The following FRMD5 variants were observed in gnomAD, a reference collection of about 807,000 sequenced individuals.
FRMD5 encodes the protein FERM domain containing 5, also known as FERM domain-containing protein 5.
A neutral mutation model predicts 69.0 loss-of-function variants in FRMD5; 20 were observed. The observed-to-expected ratio is 0.29, with a 90% CI of 0.20 to 0.42. The LOEUF (loss-of-function observed/expected upper bound fraction) is 0.42, where lower values mean the gene tolerates loss of function less well. FRMD5 is among the 10% of genes least tolerant of loss of function. The pLI is 1.00. For synonymous variants in FRMD5, 271 were observed against 260.1 expected (o/e 1.04, Z -0.40); for missense variants, 595 against 708.6 (o/e 0.84, Z 1.82).
chr15:43,894,972 C>T (rs1238283560), intron 7 of FRMD5, among the ~76,000 whole-genome samples: 1 of 152,138 alleles, frequency 6.6e-6, no homozygotes, highest in Non-Finnish European at 1.5e-5. Flanking sequence ...GTTTTAGAGA[C>T]AAGGTCTCAC....
At chr15:43,958,407 T>C (rs1293139301) in intron 1 of FRMD5, among the ~76,000 whole-genome samples, 2 of 152,176 alleles carry the variant, frequency 1.3e-5, no homozygotes, top group African/African-American at 4.8e-5. Context: ...CTGTAGCCTC[T>C]GAAGTAAATT....
At chr15:43,954,920 T>C (rs1296333948) in intron 1 of FRMD5, among the ~76,000 whole-genome samples, 2 of 152,214 alleles carry the variant, frequency 1.3e-5, no homozygotes, top group African/African-American at 2.4e-5. Context: ...TAGTAAATAA[T>C]CAGAAAATGG....
chr15:43,973,238 G>A (rs1378382399), intron 1 of FRMD5, among the ~76,000 whole-genome samples: 2 of 152,054 alleles, frequency 1.3e-5, no homozygotes, highest in African/African-American at 2.4e-5. Context: ...TAGCCAGGAT[G>A]GTCTCGATCT....
chr15:44,143,397 A>G (rs941615127), intron 1 of FRMD5, among the ~76,000 whole-genome samples: 1 of 151,954 alleles, frequency 6.6e-6, no homozygotes, highest in Admixed American at 6.6e-5. Flanking sequence ...TCACTTGGGG[A>G]CTAAGAAACC....
rs545885859 is a variant in FRMD5, at chr15:43,871,064, A to G, written c.*2821T>C. ...TGCTTTTTCTACAATGAGATAAACT[A>G]ATTTTGAGAGAAAATGAGAGACATG... On this transcript the variant is annotated 3_prime_UTR_variant, in exon 14 of 14. Coordinates refer to ENST00000417257, the MANE Select transcript of FRMD5 (RefSeq NM_032892.5). 1 of 152,234 alleles carries G rather than the reference A, an allele frequency of 6.6e-6. No individual in the cohort carries two copies. The highest frequency in any genetic ancestry group is 2.4e-5 in the African/African-American group (1 of 41,464). The allele number at this position is 152,234 out of a possible 1,614,324, so 9.4% of individuals were successfully genotyped here.
chr15:43,914,918 G>A (rs1484009873), intron 4 of FRMD5, among the ~76,000 whole-genome samples: 1 of 151,850 alleles, frequency 6.6e-6, no homozygotes, highest in Non-Finnish European at 1.5e-5. Flanking sequence ...GTAGAGACAG[G>A]GTTTCACCAT....
chr15:44,104,952 C>T (rs1453885216), intron 1 of FRMD5, among the ~76,000 whole-genome samples: 1 of 152,118 alleles, frequency 6.6e-6, no homozygotes. Flanking sequence ...ATATACCACA[C>T]TTTATTTATT....
At position 43,874,110 on chromosome 15, in the gene FRMD5, CTT is replaced by C. The variant is rs1195542469; in HGVS notation, c.1486_1487del (p.Lys496ValfsTer30). 6.2e-7 allele frequency: 1 copy of C among 1,614,100 alleles called. No homozygotes were observed. The highest frequency in any genetic ancestry group is 8.5e-7 in the Non-Finnish European group (1 of 1,180,054). Reference protein sequence around the residue: ...HSGPEEEQVNKFVLSVLRLLL... With the variant: ...HSGPEEEQVNXFVLSVLRLLL... ...GCAAACGGAGGACACTTAGAACAAA[CTT>C]ATTCACCTGTTCCTCCTCGGGCCCG... On this transcript the variant is annotated frameshift_variant, in exon 14 of 14. Coordinates refer to ENST00000417257, the MANE Select transcript of FRMD5 (RefSeq NM_032892.5). LOFTEE classifies it high-confidence loss of function.
At chr15:44,141,753 C>A (rs1035706783) in intron 1 of FRMD5, among the ~76,000 whole-genome samples, 3 of 152,228 alleles carry the variant, frequency 2.0e-5, no homozygotes, top group Non-Finnish European at 4.4e-5. Flanking sequence ...GTGAGCATCA[C>A]TTTCCAAGTG....
chr15:44,076,641 G>T, intron 1 of FRMD5, among the ~76,000 whole-genome samples: 1 of 108,430 alleles, frequency 9.2e-6, no homozygotes. Flanking sequence ...GGGGAGGGGG[G>T]AGGGATAGCA....
intron 1 of FRMD5, among the ~76,000 whole-genome samples, chr15:44,091,612 G>T (rs2076473903): frequency 6.6e-6 from 1 of 152,140 alleles, no homozygotes; most frequent in South Asian, 2.1e-4. Context: ...ATGGGAATCA[G>T]TAACTGAATG....
In FRMD5 at chr15:44,092,498, TGTC is replaced by T. The variant is rs555085952; in HGVS notation, c.102+102452_102+102454del. On this transcript the variant is annotated intron_variant, in intron 1 of 13. Coordinates refer to ENST00000417257, the MANE Select transcript of FRMD5 (RefSeq NM_032892.5). Reference sequence around the variant, plus strand: ...AGAGAAAAAGACACACAGTTGTTGTTGTCATTTTATCTCATGAAGCTTACATTC... The same window carrying T: ...AGAGAAAAAGACACACAGTTGTTGTTATTTTATCTCATGAAGCTTACATTC... Among the ~76,000 whole-genome samples, 108 of 152,300 alleles carry T rather than the reference TGTC, an allele frequency of 7.1e-4. 4 individuals carry two copies. The South Asian group carries it at 0.021, about 30-fold the overall frequency.
intron 1 of FRMD5, among the ~76,000 whole-genome samples, chr15:44,006,534 C>T (rs1437274547): frequency 6.6e-6 from 1 of 152,132 alleles, no homozygotes; most frequent in African/African-American, 2.4e-5. Context: ...TCTGATGGAT[C>T]TAGGCAAAGT....
intron 1 of FRMD5, among the ~76,000 whole-genome samples, chr15:44,095,492 A>G (rs908329827): frequency 6.6e-6 from 1 of 152,184 alleles, no homozygotes; most frequent in Admixed American, 6.5e-5. Flanking sequence ...GGTGTGAGCC[A>G]ACACGCCTGG....
At chr15:44,049,377 A>G (rs1258507485) in intron 1 of FRMD5, among the ~76,000 whole-genome samples, 1 of 152,210 alleles carries the variant, frequency 6.6e-6, no homozygotes, top group Non-Finnish European at 1.5e-5. Flanking sequence ...ATAAACCTTA[A>G]GCTGGACAGT....
chr15:44,173,017 C>G (rs1247816941), intron 1 of FRMD5, among the ~76,000 whole-genome samples: 1 of 152,178 alleles, frequency 6.6e-6, no homozygotes, highest in Non-Finnish European at 1.5e-5. Flanking sequence ...CATGAAATCG[C>G]TTGTCATCAT....
chr15:43,908,574 A>G (rs571031445), intron 5 of FRMD5, among the ~76,000 whole-genome samples: 6 of 152,296 alleles, frequency 3.9e-5, no homozygotes, highest in African/African-American at 1.4e-4. Context: ...TAAGAGTTCA[A>G]ATTCTTTTGG....
At chr15:44,037,627 C>T (rs1229200262) in intron 1 of FRMD5, among the ~76,000 whole-genome samples, 2 of 151,192 alleles carry the variant, frequency 1.3e-5, no homozygotes, top group Admixed American at 6.6e-5. Context: ...GCCGCCACAC[C>T]CAGCTTTTTT....
At chr15:44,084,497 T>C (rs1257474324) in intron 1 of FRMD5, among the ~76,000 whole-genome samples, 1 of 152,148 alleles carries the variant, frequency 6.6e-6, no homozygotes. Context: ...TAGAAATTCT[T>C]CTGATATGAA....
Sources: gnomAD v4.1 joint callset for allele counts (sites outside exome capture counted in the v4.1 genomes callset) on GRCh38, gnomAD v4.1.1 for gene constraint, MANE v1.5 for transcripts, NCBI Gene and HGNC (gene_info 2026-07-23, HGNC 2026-07-21) for gene names.